RAB3C: variants seen among roughly 807,000 people sequenced by gnomAD.
RAB3C encodes ras-related protein Rab-3C.
In RAB3C, 17 loss-of-function variants were observed where a neutral mutation model predicts 26.4. That is an observed-to-expected ratio of 0.64 (90% confidence interval 0.44 to 0.97). RAB3C has a LOEUF of 0.97. RAB3C is among the 50% of genes least tolerant of loss of function. The pLI is 0.00. For synonymous variants in RAB3C, 91 were observed against 95.9 expected, an observed-to-expected ratio of 0.95 and a Z score of 0.30; for missense variants, 242 against 281.9, an observed-to-expected ratio of 0.86 and a Z score of 1.01.
intron 4 of RAB3C, among the ~76,000 whole-genome samples, chr5:58,840,183 C>A (rs1279115654): frequency 1.4e-5 from 2 of 148,044 alleles, no homozygotes; most frequent in Admixed American, 6.7e-5. Context: ...CTTTTTTTTT[C>A]TGCTTATATT....
intron 2 of RAB3C, among the ~76,000 whole-genome samples, chr5:58,681,325 T>C (rs1375592811): frequency 6.6e-6 from 1 of 152,182 alleles, no homozygotes; most frequent in Non-Finnish European, 1.5e-5. Flanking sequence ...ATATTGCCAA[T>C]GTGAAGATCT....
At position 58,700,572 on chromosome 5, in the gene RAB3C, G is replaced by C. The variant is rs1748820947; in HGVS notation, c.253-25430G>C. Among the ~76,000 whole-genome samples the C allele has an allele frequency of 2.0e-5, 3 of 152,146 alleles. No individual in the cohort carries two copies. The South Asian group carries it at 6.2e-4, about 32-fold the overall frequency. ...GAGCCCTAAGGTGTTTATCTGCAAA[G>C]CAAAAATAACATTCATTGTGTGTTC... On this transcript the variant is annotated intron_variant, in intron 2 of 4. Coordinates refer to ENST00000282878, the MANE Select transcript of RAB3C (RefSeq NM_138453.4).
At chr5:58,739,688 A>T (rs1296564479) in intron 3 of RAB3C, among the ~76,000 whole-genome samples, 1 of 152,164 alleles carries the variant, frequency 6.6e-6, no homozygotes. Flanking sequence ...CCCTTTCTAG[A>T]CCATCAATTT....
chr5:58,701,223 G>T (rs1168893649), intron 2 of RAB3C, among the ~76,000 whole-genome samples: 2 of 152,018 alleles, frequency 1.3e-5, no homozygotes, highest in Admixed American at 6.6e-5. Flanking sequence ...GGATGGTCTC[G>T]ATCTCCTGAC....
chr5:58,604,837 G>T (rs1017424532), intron 1 of RAB3C, among the ~76,000 whole-genome samples: 3 of 152,112 alleles, frequency 2.0e-5, no homozygotes, highest in South Asian at 2.1e-4. Context: ...GAAGATTTTT[G>T]CCCTATTAAA....
chr5:58,753,017 A>T (rs1039020480), intron 3 of RAB3C, among the ~76,000 whole-genome samples: 1 of 145,512 alleles, frequency 6.9e-6, no homozygotes, highest in African/African-American at 2.6e-5. Context: ...AGGAATTATT[A>T]AAAAAAAAAA....
chr5:58,753,212 C>T (rs911522210), intron 3 of RAB3C, among the ~76,000 whole-genome samples: 3 of 151,968 alleles, frequency 2.0e-5, no homozygotes, highest in East Asian at 1.9e-4. Flanking sequence ...TTAAATGTGT[C>T]GAGGAAATTA....
intron 4 of RAB3C, among the ~76,000 whole-genome samples, chr5:58,829,304 TGTAC>T (rs1264388835): frequency 6.6e-6 from 1 of 152,178 alleles, no homozygotes; most frequent in Non-Finnish European, 1.5e-5. Flanking sequence ...TACTTATATA[TGTAC>T]AATCTCATAA....
At chr5:58,689,265 G>A (rs1748512393) in intron 2 of RAB3C, 1 of 151,974 alleles carries the variant, frequency 6.6e-6, no homozygotes, top group African/African-American at 2.4e-5. Flanking sequence ...TTTAGATTTG[G>A]TATGGACAAC....
intron 3 of RAB3C, among the ~76,000 whole-genome samples, chr5:58,755,881 AT>A (rs1741644735): frequency 1.3e-5 from 2 of 152,232 alleles, no homozygotes; most frequent in Non-Finnish European, 2.9e-5. Flanking sequence ...GTTTAAAAAA[AT>A]TTCCATGCAA....
chr5:58,722,858 T>A (rs1184965232), intron 2 of RAB3C, among the ~76,000 whole-genome samples: 1 of 151,886 alleles, frequency 6.6e-6, no homozygotes, highest in African/African-American at 2.4e-5. Flanking sequence ...ATTTTTATTT[T>A]AAAATATTTA....
chr5:58,617,929 T>C (rs1379627586), intron 2 of RAB3C, 59 bp downstream of exon 2: 1 of 1,088,436 alleles, frequency 9.2e-7, no homozygotes, highest in Non-Finnish European at 1.3e-6. Context: ...TATCCATTTG[T>C]AAGGGAGAAA....
intron 1 of RAB3C, among the ~76,000 whole-genome samples, chr5:58,612,526 A>G (rs199782508): frequency 0.27 from 12,714 of 46,856 alleles, 674 homozygotes; most frequent in East Asian, 0.4. Context: ...GTGTGTATAT[A>G]TATATATATA....
chr5:58,844,238 A>G (rs1306016376), intron 4 of RAB3C, among the ~76,000 whole-genome samples: 2 of 152,212 alleles, frequency 1.3e-5, no homozygotes, highest in East Asian at 1.9e-4. Context: ...ATCTTCTTAT[A>G]TTATGGACCA....
chr5:58,714,317 G>A (rs72760294), intron 2 of RAB3C, among the ~76,000 whole-genome samples: 18,988 of 152,078 alleles, frequency 0.12, 1,537 homozygotes, highest in Non-Finnish European at 0.18. Flanking sequence ...TGAAGACAAT[G>A]GAATGATGTG....
chr5:58,676,763 A>G (rs2006934), intron 2 of RAB3C, among the ~76,000 whole-genome samples: 3,341 of 152,004 alleles, frequency 0.022, 72 homozygotes, highest in Admixed American at 0.057. Flanking sequence ...AGGAAGTTTC[A>G]TTTTGTTTGT....
At chr5:58,746,893 G>C (rs552248031) in intron 3 of RAB3C, among the ~76,000 whole-genome samples, 3 of 152,264 alleles carry the variant, frequency 2.0e-5, no homozygotes, top group South Asian at 2.1e-4. Flanking sequence ...AAAATTGTTT[G>C]ATTGGTTCCT....
intron 3 of RAB3C, among the ~76,000 whole-genome samples, chr5:58,784,304 TCA>T (rs1742330569): frequency 6.6e-6 from 1 of 152,130 alleles, no homozygotes; most frequent in Non-Finnish European, 1.5e-5. Flanking sequence ...TTTAATTGAC[TCA>T]CAGTTCCACA....
chr5:58,787,166 C>G lies in RAB3C; in HGVS notation c.372-37872C>G, dbSNP rs563097045. Among the ~76,000 whole-genome samples, 47 of 152,346 alleles carry G rather than the reference C, an allele frequency of 3.1e-4. No individual in the cohort carries two copies. In the East Asian group the frequency reaches 7.1e-3, roughly 23 times the overall value. On this transcript the variant is annotated intron_variant, in intron 3 of 4. Coordinates refer to ENST00000282878, the MANE Select transcript of RAB3C (RefSeq NM_138453.4). Reference sequence around the variant, plus strand: ...ATACACACCTGCCCCATGGGAAGCCCCGGGAGCTCAGAGCTGAAAATAGTT... The same window carrying G: ...ATACACACCTGCCCCATGGGAAGCCGCGGGAGCTCAGAGCTGAAAATAGTT...
Sources: allele counts gnomAD v4.1 joint callset (sites outside exome capture counted in the v4.1 genomes callset), GRCh38; gene constraint gnomAD v4.1.1; transcripts MANE v1.5; gene names NCBI Gene and HGNC (gene_info 2026-07-23, HGNC 2026-07-21).